ST6GALNAC3: variants seen among roughly 807,000 people sequenced by gnomAD.
ST6GALNAC3 encodes alpha-N-acetylgalactosaminide alpha-2,6-sialyltransferase 3.
ST6GALNAC3 carries 25 observed loss-of-function variants against 32.7 expected under a neutral mutation model. That is an observed-to-expected ratio of 0.76 (90% confidence interval 0.56 to 1.07). The LOEUF is 1.07. ST6GALNAC3 is among the 50% of genes least tolerant of loss of function. ST6GALNAC3 has a pLI of 0.00. For missense variants in ST6GALNAC3, 355 were observed against 382.4 expected, an observed-to-expected ratio of 0.93 and a Z score of 0.60; for synonymous variants, 129 against 133.1, an observed-to-expected ratio of 0.97 and a Z score of 0.21.
intron 1 of ST6GALNAC3, among the ~76,000 whole-genome samples, chr1:76,266,868 C>A (rs1439014817): frequency 6.6e-6 from 1 of 152,198 alleles, no homozygotes; most frequent in African/African-American, 2.4e-5. Flanking sequence ...CAATCTCAGG[C>A]CCAGCTGTTC....
chr1:76,256,094 T>C (rs1657905688), intron 1 of ST6GALNAC3, among the ~76,000 whole-genome samples: 1 of 151,616 alleles, frequency 6.6e-6, no homozygotes, highest in Admixed American at 6.6e-5. Context: ...AAATTGAAAG[T>C]ATGTGATAGT....
chr1:76,183,308 G>T (rs1653308264), intron 1 of ST6GALNAC3, among the ~76,000 whole-genome samples: 1 of 151,958 alleles, frequency 6.6e-6, no homozygotes, highest in Admixed American at 6.6e-5. Flanking sequence ...TAAGCAAATG[G>T]TCTACACCAC....
At chr1:76,576,827 C>T in intron 3 of ST6GALNAC3, 1 of 1,304,596 alleles carries the variant, frequency 7.7e-7, no homozygotes, top group Non-Finnish European at 1.0e-6. Flanking sequence ...CATTTCTTCT[C>T]CATTCCCATG....
chr1:76,543,333 C>T (rs1344509609), intron 3 of ST6GALNAC3, among the ~76,000 whole-genome samples: 1 of 152,178 alleles, frequency 6.6e-6, no homozygotes, highest in East Asian at 1.9e-4. Context: ...TGCTATAACA[C>T]AAGCTGCTAC....
At chr1:76,545,877 G>A (rs1299872487) in intron 3 of ST6GALNAC3, among the ~76,000 whole-genome samples, 2 of 151,896 alleles carry the variant, frequency 1.3e-5, no homozygotes, top group East Asian at 1.9e-4. Context: ...CAGGCTGGTC[G>A]CAAACTCCTG....
chr1:76,459,427 G>T (rs1224531473), intron 3 of ST6GALNAC3, among the ~76,000 whole-genome samples: 3 of 152,118 alleles, frequency 2.0e-5, no homozygotes, highest in Admixed American at 6.6e-5. Flanking sequence ...AGCCACGCGT[G>T]GTGGCGGGCA....
intron 1 of ST6GALNAC3, among the ~76,000 whole-genome samples, chr1:76,285,491 A>G (rs1659727629): frequency 6.6e-6 from 1 of 152,176 alleles, no homozygotes; most frequent in South Asian, 2.1e-4. Context: ...AGGGCTCCAC[A>G]AAAATGTTTT....
chr1:76,536,737 G>C (rs1353299776), intron 3 of ST6GALNAC3, among the ~76,000 whole-genome samples: 3 of 114,768 alleles, frequency 2.6e-5, no homozygotes, highest in Non-Finnish European at 3.8e-5. Flanking sequence ...GATCAAAAAA[G>C]ACAAAGAAGA....
At position 76,139,119 on chromosome 1, in the gene ST6GALNAC3, G is replaced by A. The variant is rs1037868814; in HGVS notation, c.18+64235G>A. 3.3e-5 allele frequency among the ~76,000 whole-genome samples: 5 copies of A among 152,062 alleles called. No individual in the cohort carries two copies. In the East Asian group the frequency reaches 7.8e-4, roughly 24 times the overall value. On this transcript the variant is annotated intron_variant, in intron 1 of 4. Transcript: ENST00000328299. ...TGAGGCAGGAGAATGGCGTGAACCC[G>A]GGAGGCGGAGCTTGCTGTGAGCCGA...
intron 2 of ST6GALNAC3, among the ~76,000 whole-genome samples, chr1:76,354,420 A>G (rs914907427): frequency 5.9e-5 from 9 of 152,162 alleles, no homozygotes; most frequent in African/African-American, 2.2e-4. Context: ...CACAATGCAC[A>G]TGTTCTCAGT....
chr1:76,123,684 TGTAACA>T (rs1194059220), intron 1 of ST6GALNAC3, among the ~76,000 whole-genome samples: 1 of 151,692 alleles, frequency 6.6e-6, no homozygotes. Flanking sequence ...TGAATAATAG[TGTAACA>T]AATAATAGTA....
At chr1:76,190,065 T>A (rs1653806181) in intron 1 of ST6GALNAC3, among the ~76,000 whole-genome samples, 1 of 152,070 alleles carries the variant, frequency 6.6e-6, no homozygotes, top group Non-Finnish European at 1.5e-5. Flanking sequence ...AACCCCTCAT[T>A]TTAAAGCAAC....
chr1:76,274,835 G>A (rs537916681), intron 1 of ST6GALNAC3, among the ~76,000 whole-genome samples: 1 of 152,288 alleles, frequency 6.6e-6, no homozygotes, highest in South Asian at 2.1e-4. Context: ...CCAACAGTTT[G>A]TTACTGTGAC....
intron 3 of ST6GALNAC3, among the ~76,000 whole-genome samples, chr1:76,562,510 C>T (rs963578866): frequency 2.6e-5 from 4 of 152,174 alleles, no homozygotes. Flanking sequence ...TTGATAGCCA[C>T]TTTCACCCAC....
In ST6GALNAC3 at chr1:76,359,763, A is replaced by G. The variant is rs143157321; in HGVS notation, c.213+45764A>G. Among the ~76,000 whole-genome samples the G allele has an allele frequency of 5.3e-5, 8 of 152,354 alleles. No individual in the cohort carries two copies. In the East Asian group the frequency reaches 1.3e-3, roughly 26 times the overall value. On this transcript the variant is annotated intron_variant, in intron 2 of 4. Transcript: ENST00000328299. ...GGTGAGACAATTTGAGGCTACTAAT[A>G]TAAGAGATGACAGCAGCTGTGGAAA...
chr1:76,359,430 A>T (rs1020076984), intron 2 of ST6GALNAC3, among the ~76,000 whole-genome samples: 9 of 152,148 alleles, frequency 5.9e-5, no homozygotes, highest in African/African-American at 2.2e-4. Flanking sequence ...ATCATGCGGA[A>T]AGATAGAAAT....
intron 1 of ST6GALNAC3, among the ~76,000 whole-genome samples, chr1:76,306,812 T>G (rs1418343375): frequency 6.6e-6 from 1 of 152,036 alleles, no homozygotes; most frequent in Non-Finnish European, 1.5e-5. Context: ...AAAAACTCAT[T>G]GAGTTTTTAA....
At chr1:76,453,841 C>A (rs1276295192) in intron 3 of ST6GALNAC3, among the ~76,000 whole-genome samples, 1 of 152,062 alleles carries the variant, frequency 6.6e-6, no homozygotes, top group Non-Finnish European at 1.5e-5. Context: ...TGTTCATTTT[C>A]CATCTTGATG....
intron 1 of ST6GALNAC3, among the ~76,000 whole-genome samples, chr1:76,210,246 A>G (rs1570445937): frequency 1.3e-5 from 2 of 152,260 alleles, no homozygotes; most frequent in East Asian, 1.9e-4. Context: ...AGTCAACAAC[A>G]TAGTGTCTTG....
Sources: allele counts gnomAD v4.1 joint callset (sites outside exome capture counted in the v4.1 genomes callset), GRCh38; gene constraint gnomAD v4.1.1; transcripts MANE v1.5; gene names NCBI Gene and HGNC (gene_info 2026-07-23, HGNC 2026-07-21).